Variants in OR4M1 observed in about 807,000 individuals in gnomAD.
OR4M1 encodes the protein olfactory receptor 4M1.
Under a neutral mutation model 9.8 loss-of-function variants are expected in OR4M1, and 7 were observed. The observed-to-expected ratio is 0.71, with a 90% CI of 0.41 to 1.34. The LOEUF (loss-of-function observed/expected upper bound fraction) is 1.34, where lower values mean the gene tolerates loss of function less well. OR4M1 is among the 40% of genes most tolerant of loss of function. OR4M1 has a pLI of 0.01. For synonymous variants in OR4M1, 121 were observed against 139.8 expected, an observed-to-expected ratio of 0.87 and a Z score of 0.95; for missense variants, 331 against 380.4, an observed-to-expected ratio of 0.87 and a Z score of 1.08.
chr14:19,773,878 T>C (rs1283238533), intron 1 of OR4M1, among the ~76,000 whole-genome samples: 1 of 152,238 alleles, frequency 6.6e-6, no homozygotes, highest in Non-Finnish European at 1.5e-5. Flanking sequence ...GGTCATTTTA[T>C]ACTCATAGGA....
At chr14:19,777,050 T>TA (rs57131693) in intron 1 of OR4M1, among the ~76,000 whole-genome samples, 8,190 of 72,956 alleles carry the variant, frequency 0.11, 514 homozygotes, top group South Asian at 0.13. Context: ...ATATATATAT[T>TA]GTTTGTTTGT....
intron 1 of OR4M1, 91 bp downstream of exon 1, chr14:19,773,684 G>A (rs112804397): frequency 0.049 from 7,456 of 151,528 alleles, 94 homozygotes; most frequent in Non-Finnish European, 0.068. Context: ...TATGTAAAAT[G>A]CTCAGAGACC....
At chr14:19,775,793 T>C (rs1878294381) in intron 1 of OR4M1, among the ~76,000 whole-genome samples, 1 of 147,914 alleles carries the variant, frequency 6.8e-6, no homozygotes, top group African/African-American at 2.5e-5. Flanking sequence ...TAAAGTATAT[T>C]ATTAAATATA....
intron 1 of OR4M1, among the ~76,000 whole-genome samples, chr14:19,774,325 C>G (rs1566449564): frequency 6.6e-6 from 1 of 152,162 alleles, no homozygotes; most frequent in African/African-American, 2.4e-5. Flanking sequence ...TAATTTTTGT[C>G]AAAGTCTATT....
intron 1 of OR4M1, among the ~76,000 whole-genome samples, chr14:19,777,005 G>T (rs868101375): frequency 5.4e-5 from 2 of 36,758 alleles, no homozygotes; most frequent in Non-Finnish European, 5.8e-5. Context: ...TATTGTTTAA[G>T]CCATATATAT....
At chr14:19,774,634 A>T (rs1878257205) in intron 1 of OR4M1, among the ~76,000 whole-genome samples, 1 of 152,266 alleles carries the variant, frequency 6.6e-6, no homozygotes, top group Non-Finnish European at 1.5e-5. Context: ...CAAAACTCAT[A>T]CAAAATTTCA....
rs772061087 is a variant in OR4M1 at position 19,780,685 on chromosome 14, C to G, written c.363C>G (p.Asp121Glu). 14 of 1,614,136 alleles carry G rather than the reference C, an allele frequency of 8.7e-6. No homozygotes were observed. Among genetic ancestry groups the G allele is most frequent in the Non-Finnish European group, 1.1e-5 (13 of 1,180,044 alleles). The change falls in exon 2 of 2, where the codon GAC (aspartate) becomes GAG (glutamate). Residue 121 changes from aspartate to glutamate, a missense_variant. By Grantham distance (45) the Asp-to-Glu change is conservative. Transcript: ENST00000641200. ...EMFLLTVMAY[D>E]RYAAICRPLH... ...TCTTGCTCACAGTGATGGCCTATGA[C>G]CGCTATGCTGCTATCTGCCGACCCC...
rs148303756 is a variant in OR4M1, at chr14:19,780,737, C to T, written c.415C>T (p.Arg139Cys). ...CCACTATGCTACCATCATGAATCGA[C>T]GTCTCTGCTGTATCCTGGTGGCTCT... ...PLHYATIMNRRLCCILVALSW... is the reference protein window; with the variant it reads ...PLHYATIMNRCLCCILVALSW... Residue 139 changes from arginine (R) to cysteine (C), a missense_variant, in exon 2 of 2, where the codon CGT (arginine) becomes TGT (cysteine). Physicochemically the swap from Arg to Cys is radical, Grantham distance 180 (BLOSUM62 -3). Coordinates refer to ENST00000641200, the MANE Select transcript of OR4M1 (RefSeq NM_001005500.2). 45 of 1,614,080 alleles carry T rather than the reference C, an allele frequency of 2.8e-5. No individual in the cohort carries two copies. Among genetic ancestry groups the T allele is most frequent in the African/African-American group, 8.0e-5 (6 of 74,932 alleles).
rs1477593067 is a variant in OR4M1 at position 19,782,195 on chromosome 14, G to C, written c.*931G>C. 3.9e-5 allele frequency: 6 copies of C among 152,362 alleles called. No homozygotes were observed. Among genetic ancestry groups the C allele is most frequent in the Middle Eastern group, 3.4e-3 (1 of 296 alleles). The allele number at this position is 152,362 out of a possible 1,614,324, so 9.4% of individuals were successfully genotyped here. On this transcript the variant is annotated 3_prime_UTR_variant, in exon 2 of 2. Transcript: ENST00000641200. ...GCTGTTTTTGTTAGCGCTTAATTCA[G>C]AGTTATTTCCCATTGAGAGACCTGG... is the stretch of plus-strand genomic sequence containing the variant.
chr14:19,775,913 C>G (rs182844271), intron 1 of OR4M1, among the ~76,000 whole-genome samples: 1 of 151,792 alleles, frequency 6.6e-6, no homozygotes, highest in East Asian at 1.9e-4. Context: ...TTTCTTCTTG[C>G]CTAGTTTACT....
intron 1 of OR4M1, among the ~76,000 whole-genome samples, chr14:19,779,215 C>A (rs1344921400): frequency 6.6e-6 from 1 of 152,204 alleles, no homozygotes; most frequent in Non-Finnish European, 1.5e-5. Context: ...ACAGCCACAT[C>A]TGTTTGGTTT....
At chr14:19,776,942 T>G (rs1418909701) in intron 1 of OR4M1, among the ~76,000 whole-genome samples, 1 of 148,938 alleles carries the variant, frequency 6.7e-6, no homozygotes, top group Non-Finnish European at 1.5e-5. Flanking sequence ...GCCAGTTGCA[T>G]CTCCTAAATA....
intron 1 of OR4M1, among the ~76,000 whole-genome samples, chr14:19,777,007 C>CACATATAT (rs1555326142): frequency 4.4e-5 from 2 of 45,928 alleles, no homozygotes; most frequent in Non-Finnish European, 8.2e-5. Context: ...TTGTTTAAGC[C>CACATATAT]ATATATATAT....
Position 19,781,497 on chromosome 14 carries a change from T to C in OR4M1, c.*233T>C. 1 of 501,598 alleles carries C rather than the reference T, an allele frequency of 2.0e-6. No homozygotes were observed. Among genetic ancestry groups the C allele is most frequent in the Non-Finnish European group, 3.5e-6 (1 of 287,488 alleles). The allele number at this position is 501,598 out of a possible 1,614,324, so 31.1% of individuals were successfully genotyped here. ...GGCAGATCATTATTAGAATTTGAGA[T>C]ATAATAATAATCTGCTAAAGTACAT... On this transcript the variant is annotated 3_prime_UTR_variant, in exon 2 of 2. Coordinates refer to ENST00000641200, the MANE Select transcript of OR4M1 (RefSeq NM_001005500.2).
In OR4M1 at chr14:19,783,092, A is replaced by G. The variant is rs945766413; in HGVS notation, c.*1828A>G. 2 of 152,290 alleles carry G rather than the reference A, an allele frequency of 1.3e-5. No individual in the cohort carries two copies. Among genetic ancestry groups the G allele is most frequent in the African/African-American group, 4.8e-5 (2 of 41,482 alleles). The allele number at this position is 152,290 out of a possible 1,614,324, so 9.4% of individuals were successfully genotyped here. A position where few individuals can be genotyped will look rare whatever the true frequency, so the allele number is the denominator to read the frequency against. ...GAAAATACTGAAGCTAGTAATACAA[A>G]GGAAAAAGGCATAAAAACAGTAGTG... On this transcript the variant is annotated 3_prime_UTR_variant, in exon 2 of 2. Coordinates refer to ENST00000641200, the MANE Select transcript of OR4M1 (RefSeq NM_001005500.2).
At chr14:19,775,213 C>T (rs1343922897) in intron 1 of OR4M1, among the ~76,000 whole-genome samples, 1 of 152,240 alleles carries the variant, frequency 6.6e-6, no homozygotes, top group African/African-American at 2.4e-5. Flanking sequence ...CTATATGCTA[C>T]TCATGAAGGG....
Position 19,781,373 on chromosome 14 carries a change from A to G in OR4M1, c.*109A>G, listed in dbSNP as rs1878494346. 4 of 1,033,882 alleles carry G rather than the reference A, an allele frequency of 3.9e-6. No individual in the cohort carries two copies. In the South Asian group the frequency reaches 7.6e-5, roughly 20 times the overall value. The allele number at this position is 1,033,882 out of a possible 1,614,324, so 64.0% of individuals were successfully genotyped here. On this transcript the variant is annotated 3_prime_UTR_variant, in exon 2 of 2. Transcript: ENST00000641200. ...TTCCTCCGTTCATTTGTGTTCTTAA[A>G]ATTTTACTATAATTTTTCTCTATTA...
At chr14:19,777,509 T>G (rs1416467211) in intron 1 of OR4M1, among the ~76,000 whole-genome samples, 1 of 152,140 alleles carries the variant, frequency 6.6e-6, no homozygotes, top group Non-Finnish European at 1.5e-5. Flanking sequence ...TACTTATTTA[T>G]ATTTTATTTT....
rs377241480 is a variant in OR4M1, at chr14:19,780,848, A to T, written c.526A>T (p.Ser176Cys). The part of the protein sequence containing the change: ...LPFCGPNELD[S>C]YFCDITQVVR... ...TTTCTGTGGGCCCAATGAGTTAGACAGTTACTTCTGTGACATCACACAGGT... is the reference window on the plus strand; with the variant it reads ...TTTCTGTGGGCCCAATGAGTTAGACTGTTACTTCTGTGACATCACACAGGT... The change falls in exon 2 of 2, where the codon AGT (serine) becomes TGT (cysteine). Residue 176 changes from serine (S) to cysteine (C), a missense_variant. By Grantham distance (112) the Ser-to-Cys change is moderately radical. Around this residue, in one of 2 missense-constraint regions of OR4M1, gnomAD observed 122 missense variants for 180.5 expected, o/e 0.68. Transcript: ENST00000641200. The T allele has an allele frequency of 6.2e-7, 1 of 1,614,096 alleles. No individual in the cohort carries two copies. Among genetic ancestry groups the T allele is most frequent in the African/African-American group, 1.3e-5 (1 of 74,938 alleles).
Sources: gnomAD v4.1 joint callset for allele counts (sites outside exome capture counted in the v4.1 genomes callset) on GRCh38, gnomAD v4.1.1 for gene constraint, gnomAD v4.1.1 regional missense constraint, MANE v1.5 for transcripts, NCBI Gene and HGNC (gene_info 2026-07-23, HGNC 2026-07-21) for gene names.